Variants in CSMD1 observed in about 807,000 individuals in gnomAD.
CSMD1 encodes CUB and sushi domain-containing protein 1.
CSMD1 carries 213 observed loss-of-function variants against 417.5 expected under a neutral mutation model. The ratio of observed to expected loss-of-function variants is 0.51; its 90% CI spans 0.46 to 0.57. The LOEUF (loss-of-function observed/expected upper bound fraction) is 0.57, where lower values mean the gene tolerates loss of function less well. Among genes scored for constraint, CSMD1 ranks in the 20% least tolerant of loss-of-function variants. The probability of loss-of-function intolerance (pLI) is 0.00; values close to 1 mark genes in which losing one functional copy is unlikely to be tolerated. For synonymous variants in CSMD1, 2,862 were observed against 1,736.8 expected (o/e 1.65, Z -16.11); for missense variants, 6,923 against 4,529.7 (o/e 1.53, Z -15.17).
intron 7 of CSMD1, among the ~76,000 whole-genome samples, chr8:3,704,547 G>A (rs995464199): frequency 6.6e-6 from 1 of 152,174 alleles, no homozygotes; most frequent in African/African-American, 2.4e-5. Context: ...GATAAGAGGA[G>A]TTTCTCATAA....
chr8:4,087,146 G>A (rs1356096135), intron 3 of CSMD1, among the ~76,000 whole-genome samples: 2 of 152,132 alleles, frequency 1.3e-5, no homozygotes, highest in East Asian at 1.9e-4. Context: ...TGCGGAAATG[G>A]AACAAAGACC....
At chr8:3,414,513 C>T (rs1343068229) in intron 12 of CSMD1, among the ~76,000 whole-genome samples, 1 of 152,104 alleles carries the variant, frequency 6.6e-6, no homozygotes, top group Non-Finnish European at 1.5e-5. Flanking sequence ...CTCTTGGGGT[C>T]CTCTCATCGC....
intron 1 of CSMD1, among the ~76,000 whole-genome samples, chr8:4,717,998 G>C (rs1018093223): frequency 6.6e-6 from 1 of 152,100 alleles, no homozygotes; most frequent in Non-Finnish European, 1.5e-5. Flanking sequence ...TTTGTTTTGA[G>C]ACTGGGTCTT....
intron 7 of CSMD1, among the ~76,000 whole-genome samples, chr8:3,665,576 A>C (rs1390145749): frequency 6.6e-6 from 1 of 152,144 alleles, no homozygotes; most frequent in East Asian, 1.9e-4. Context: ...TTGATTCCTT[A>C]CTATCCCACT....
intron 1 of CSMD1, among the ~76,000 whole-genome samples, chr8:4,973,086 G>A (rs1014486608): frequency 1.3e-5 from 2 of 152,106 alleles, no homozygotes; most frequent in African/African-American, 2.4e-5. Context: ...GAGTGCTTGG[G>A]CAATCAAAGG....
intron 2 of CSMD1, among the ~76,000 whole-genome samples, chr8:4,544,224 C>G (rs755156583): frequency 3.3e-5 from 5 of 152,044 alleles, no homozygotes; most frequent in Non-Finnish European, 7.4e-5. Context: ...CCTTTGTCAT[C>G]CTTGTGTGGT....
intron 39 of CSMD1, 112 bp downstream of exon 39, chr8:3,157,785 C>T (rs1446200371): frequency 4.8e-6 from 4 of 827,400 alleles, no homozygotes; most frequent in Non-Finnish European, 6.0e-6. Context: ...GTATATAACA[C>T]GTGTTTTGAA....
chr8:3,805,148 G>C (rs1800658654), intron 5 of CSMD1, among the ~76,000 whole-genome samples: 1 of 152,158 alleles, frequency 6.6e-6, no homozygotes, highest in Admixed American at 6.5e-5. Context: ...CACTAGGACA[G>C]CAGCATCCCA....
chr8:3,362,533 C>T (rs138855965), intron 20 of CSMD1, among the ~76,000 whole-genome samples: 1 of 152,304 alleles, frequency 6.6e-6, no homozygotes, highest in African/African-American at 2.4e-5. Context: ...TTGGCTGATT[C>T]GGAACTTCTG....
intron 3 of CSMD1, among the ~76,000 whole-genome samples, chr8:4,084,824 A>G (rs1302932219): frequency 6.6e-6 from 1 of 151,538 alleles, no homozygotes; most frequent in African/African-American, 2.4e-5. Context: ...GTGCCTCAAG[A>G]CAGCTCTGTT....
chr8:3,954,999 C>T (rs1440587188), intron 5 of CSMD1, among the ~76,000 whole-genome samples: 1 of 152,186 alleles, frequency 6.6e-6, no homozygotes. Context: ...TAAGTGTGGA[C>T]CATCAGGAAA....
Position 3,710,218 on chromosome 8 carries a change from C to A in CSMD1, c.932-1727G>T, listed in dbSNP as rs77251993. Among the ~76,000 whole-genome samples, 498 of 152,156 alleles carry A rather than the reference C, an allele frequency of 3.3e-3. 3 individuals are homozygous for A. The highest frequency in any genetic ancestry group is 0.012 in the African/African-American group (485 of 41,482). On this transcript the variant is annotated intron_variant, in intron 6 of 69. Transcript: ENST00000635120. ...TTTCCAAAAAATGCTTCTATACATTCATTGAACAGAGTCTAAAAATAAGTG... is the reference window on the plus strand; with the variant it reads ...TTTCCAAAAAATGCTTCTATACATTAATTGAACAGAGTCTAAAAATAAGTG...
intron 5 of CSMD1, among the ~76,000 whole-genome samples, chr8:3,930,142 T>C (rs1351434242): frequency 6.7e-6 from 1 of 150,252 alleles, no homozygotes; most frequent in East Asian, 2.0e-4. Flanking sequence ...ACCCTACCAT[T>C]GTAAATAAGC....
intron 49 of CSMD1, among the ~76,000 whole-genome samples, 160 bp downstream of exon 49, chr8:3,086,937 T>G (rs892151484): frequency 9.8e-5 from 15 of 152,330 alleles, no homozygotes; most frequent in African/African-American, 3.6e-4. Context: ...TCAGGAAAGT[T>G]TGCATGGCCA....
rs138818471 is a variant in CSMD1, at chr8:3,912,520, A to G, written c.818+85383T>C. Among the ~76,000 whole-genome samples the G allele has an allele frequency of 6.0e-3, 913 of 152,310 alleles. 3 individuals carry two copies. Among genetic ancestry groups the G allele is most frequent in the Non-Finnish European group, 8.2e-3 (557 of 68,028 alleles). On this transcript the variant is annotated intron_variant, in intron 5 of 69. Transcript: ENST00000635120. ...AACATATTGCATACAATGGAAATACATAACAGAGGGGGCTGGTTAATCTTA... is the reference window on the plus strand; with the variant it reads ...AACATATTGCATACAATGGAAATACGTAACAGAGGGGGCTGGTTAATCTTA...
rs571807442 is a variant in CSMD1, at chr8:4,914,421, C to T, written c.85+79911G>A. ...GAAACTCCGTCTCCACTAAAAAATA[C>T]AAAAAAATTAACCGGGTGAGGTGGC... On this transcript the variant is annotated intron_variant, in intron 1 of 69. Transcript: ENST00000635120. Among the ~76,000 whole-genome samples the T allele has an allele frequency of 1.9e-3, 282 of 151,550 alleles. 1 individual carries two copies. Among genetic ancestry groups the T allele is most frequent in the African/African-American group, 6.0e-3 (246 of 41,322 alleles).
intron 23 of CSMD1, among the ~76,000 whole-genome samples, chr8:3,320,003 T>C (rs914054231): frequency 2.0e-5 from 3 of 152,146 alleles, no homozygotes; most frequent in African/African-American, 7.2e-5. Flanking sequence ...ACCAAGTGAA[T>C]AGACCGGGCC....
chr8:3,190,152 C>G, intron 33 of CSMD1, 37 bp from the exon 34 acceptor site: 1 of 1,516,612 alleles, frequency 6.6e-7, no homozygotes, highest in East Asian at 2.4e-5. Context: ...GTCTGTATCT[C>G]CATCAGCAAG....
At chr8:3,033,261 C>A (rs62490490) in intron 50 of CSMD1, among the ~76,000 whole-genome samples, 1 of 151,814 alleles carries the variant, frequency 6.6e-6, no homozygotes, top group African/African-American at 2.4e-5. Flanking sequence ...ATTAATATAC[C>A]ATTGATTGAA....
Sources: allele counts gnomAD v4.1 joint callset (sites outside exome capture counted in the v4.1 genomes callset), GRCh38; gene constraint gnomAD v4.1.1; transcripts MANE v1.5; gene names NCBI Gene and HGNC (gene_info 2026-07-23, HGNC 2026-07-21).